Variants in ANK1 observed in about 807,000 individuals in gnomAD.
ANK1 encodes the protein ankyrin-1.
ANK1 carries 51 observed loss-of-function variants against 210.4 expected under a neutral mutation model. The observed-to-expected ratio is 0.24, with a 90% CI of 0.19 to 0.31. The LOEUF is 0.31. Ranked by LOEUF, ANK1 falls within the 10% of genes least tolerant of loss-of-function variation. The probability of loss-of-function intolerance (pLI) is 1.00; values close to 1 mark genes in which losing one functional copy is unlikely to be tolerated. For missense variants in ANK1, 2,051 were observed against 2,504.4 expected (o/e 0.82, Z 3.86); for synonymous variants, 967 against 1,025.9 (o/e 0.94, Z 1.10).
intron 35 of ANK1, among the ~76,000 whole-genome samples, chr8:41,686,496 T>C (rs1180419042): frequency 6.6e-6 from 1 of 152,128 alleles, no homozygotes; most frequent in African/African-American, 2.4e-5. Flanking sequence ...CCCCAGAAAA[T>C]GGAAGAATGG....
chr8:41,703,950 A>G (rs1385676739), intron 20 of ANK1, 91 bp downstream of exon 20: 10 of 1,224,778 alleles, frequency 8.2e-6, no homozygotes, highest in South Asian at 1.2e-5. Context: ...GGCCCTAGAC[A>G]CGTGCATTAA....
chr8:41,836,158 C>T (rs992752185), intron 1 of ANK1, among the ~76,000 whole-genome samples: 4 of 152,360 alleles, frequency 2.6e-5, no homozygotes, highest in South Asian at 4.1e-4. Flanking sequence ...CCAACTAGGC[C>T]GGAAGTCCCC....
rs956817279 is a variant in ANK1 at position 41,719,959 on chromosome 8, A to G, written c.910-101T>C. 3.8e-5 allele frequency: 52 copies of G among 1,370,416 alleles called. 1 individual carries two copies. In the African/African-American group the frequency reaches 6.7e-4, roughly 18 times the overall value. 84.9% of individuals were successfully genotyped at this position (1,370,416 alleles called of 1,614,324 possible). A position where few individuals can be genotyped will look rare whatever the true frequency, so the allele number is the denominator to read the frequency against. On this transcript the variant is annotated intron_variant, in intron 9 of 42. Coordinates refer to ENST00000289734, the MANE Select transcript of ANK1 (RefSeq NM_000037.4). Reference sequence around the variant, plus strand: ...GTCACTCCCTACTTCTTCCCTACACAATGTTTCCACAAGTCTCTGGAGGGA... The same window carrying G: ...GTCACTCCCTACTTCTTCCCTACACGATGTTTCCACAAGTCTCTGGAGGGA...
intron 1 of ANK1, among the ~76,000 whole-genome samples, chr8:41,834,353 G>A (rs973237677): frequency 1.3e-5 from 2 of 152,260 alleles, no homozygotes; most frequent in Non-Finnish European, 2.9e-5. Flanking sequence ...GAGAAGATGA[G>A]CTTCAGGTTC....
chr8:41,709,254 G>T (rs1480012349), intron 16 of ANK1, among the ~76,000 whole-genome samples: 1 of 152,228 alleles, frequency 6.6e-6, no homozygotes, highest in East Asian at 1.9e-4. Context: ...AGAATAACAG[G>T]AAGGCTGGGT....
chr8:41,855,200 C>T (rs1358116723), intron 1 of ANK1, among the ~76,000 whole-genome samples: 1 of 152,056 alleles, frequency 6.6e-6, no homozygotes, highest in African/African-American at 2.4e-5. Context: ...TAGATAGGTA[C>T]AGGAACAATT....
intron 31 of ANK1, 76 bp downstream of exon 31, chr8:41,692,572 G>T: frequency 6.9e-7 from 1 of 1,441,828 alleles, no homozygotes; most frequent in Non-Finnish European, 9.7e-7. Flanking sequence ...CTGCCTGCCT[G>T]CACCTGGTAA....
At chr8:41,812,120 G>T (rs1338807100) in intron 1 of ANK1, among the ~76,000 whole-genome samples, 5 of 152,182 alleles carry the variant, frequency 3.3e-5, no homozygotes, top group Non-Finnish European at 7.4e-5. Flanking sequence ...CCCACTTAAT[G>T]TATAGTTGTT....
chr8:41,820,019 T>C (rs1225866692), intron 1 of ANK1, among the ~76,000 whole-genome samples: 1 of 152,002 alleles, frequency 6.6e-6, no homozygotes, highest in Non-Finnish European at 1.5e-5. Context: ...TTATGACACA[T>C]GACACAAAAG....
At chr8:41,729,098 AG>A (rs1268276488) in intron 3 of ANK1, among the ~76,000 whole-genome samples, 9 of 152,370 alleles carry the variant, frequency 5.9e-5, no homozygotes, top group Admixed American at 5.9e-4. Flanking sequence ...AGAAAAGGAA[AG>A]GGTAAGATCA....
intron 1 of ANK1, among the ~76,000 whole-genome samples, chr8:41,835,255 C>T (rs571578718): frequency 7.2e-5 from 11 of 152,282 alleles, no homozygotes; most frequent in Admixed American, 2.0e-4. Flanking sequence ...GAGTTCAAGA[C>T]CAGCCTGACC....
chr8:41,892,217 C>T (rs1819584073), intron 1 of ANK1, among the ~76,000 whole-genome samples: 1 of 152,172 alleles, frequency 6.6e-6, no homozygotes, highest in East Asian at 1.9e-4. Flanking sequence ...CCTTGTCAAC[C>T]CTCCAGTCTC....
Position 41,699,502 on chromosome 8 carries a change from A to G in ANK1, c.2508T>C (p.Asp836=), listed in dbSNP as rs776018872. ...SFKAERRDSR[D]VDEEKELLDF... ...CCAGCAGCTCCTTCTCTTCATCAAC[A>G]TCCCTGGAATCCCGCCTCTCAGCCT... The change falls in exon 23 of 43, where the codon GAT becomes GAC. Residue 836 remains aspartate, a synonymous_variant. Transcript: ENST00000289734. 2.5e-6 allele frequency: 4 copies of G among 1,613,926 alleles called. No individual in the cohort carries two copies. The East Asian group carries it at 8.9e-5, about 36-fold the overall frequency.
chr8:41,658,897 TATAAATAAATAAATAAATAA>T (rs71239072), intron 42 of ANK1, among the ~76,000 whole-genome samples: 2 of 148,558 alleles, frequency 1.3e-5, no homozygotes, highest in South Asian at 4.3e-4. Flanking sequence ...CCTCTCAAAA[TATAAATAAATAAATAAATAA>T]ATAAATAAAT....
Position 41,887,975 on chromosome 8 carries a change from C to T in ANK1, c.126+8380G>A, listed in dbSNP as rs368900030. ...TGGGACCATCAGCATCCTTAGCTGT[C>T]CTAACACCCTGTCAGCTTGGTCATG... On this transcript the variant is annotated intron_variant, in intron 1 of 42. Coordinates refer to the ANK1 transcript ENST00000265709. Among the ~76,000 whole-genome samples, 7 of 152,324 alleles carry T rather than the reference C, an allele frequency of 4.6e-5. No homozygotes were observed. The East Asian group carries it at 1.2e-3, about 25-fold the overall frequency.
intron 33 of ANK1, among the ~76,000 whole-genome samples, chr8:41,689,612 G>A (rs895611550): frequency 6.6e-6 from 1 of 152,152 alleles, no homozygotes; most frequent in Non-Finnish European, 1.5e-5. Flanking sequence ...ACGGTCTGGA[G>A]ACGTATGATC....
At chr8:41,732,582 T>C (rs1006406887) in intron 3 of ANK1, among the ~76,000 whole-genome samples, 9 of 151,522 alleles carry the variant, frequency 5.9e-5, no homozygotes, top group African/African-American at 2.2e-4. Flanking sequence ...CTGGCTGATT[T>C]TTGTATGTTT....
In ANK1 at chr8:41,727,893, C is replaced by T; in HGVS notation, c.327+15G>A. Reference sequence around the variant, plus strand: ...GAAAGGCAACACCCTCTAGTCCAGACCAGAGAGCCATTACCTGTGACTGGG... The same window carrying T: ...GAAAGGCAACACCCTCTAGTCCAGATCAGAGAGCCATTACCTGTGACTGGG... On this transcript the variant is annotated intron_variant, in intron 4 of 42. Coordinates refer to ENST00000289734, the MANE Select transcript of ANK1 (RefSeq NM_000037.4). The T allele has an allele frequency of 4.3e-6, 7 of 1,613,802 alleles. No individual in the cohort carries two copies. The highest frequency in any genetic ancestry group is 4.2e-6 in the Non-Finnish European group (5 of 1,179,684).
intron 29 of ANK1, 56 bp from the exon 30 acceptor site, chr8:41,693,257 C>A: frequency 6.9e-7 from 1 of 1,458,284 alleles, no homozygotes; most frequent in Non-Finnish European, 9.6e-7. Context: ...AAGCATGGAG[C>A]TTACTAAAAT....
Sources: gnomAD v4.1 joint callset for allele counts (sites outside exome capture counted in the v4.1 genomes callset) on GRCh38, gnomAD v4.1.1 for gene constraint, MANE v1.5 for transcripts, NCBI Gene and HGNC (gene_info 2026-07-23, HGNC 2026-07-21) for gene names.